The following ESRRG variants were observed in gnomAD, a reference collection of about 807,000 sequenced individuals.
ESRRG encodes estrogen related receptor gamma.
In ESRRG, 13 loss-of-function variants were observed where a neutral mutation model predicts 44.0. The ratio of observed to expected loss-of-function variants is 0.30; its 90% CI spans 0.19 to 0.47. ESRRG has a LOEUF of 0.47. Ranked by LOEUF, ESRRG falls within the 20% of genes least tolerant of loss-of-function variation. The pLI, the probability that ESRRG is intolerant of heterozygous loss-of-function variation, is 1.00. For synonymous variants in ESRRG, 215 were observed against 214.6 expected (o/e 1.00, Z -0.02); for missense variants, 395 against 580.6 (o/e 0.68, Z 3.29).
intron 2 of ESRRG, among the ~76,000 whole-genome samples, chr1:216,927,115 G>A (rs1370156513): frequency 6.6e-6 from 1 of 152,120 alleles, no homozygotes; most frequent in East Asian, 1.9e-4. Flanking sequence ...CAAGAGTTCT[G>A]CCGTCTGATA....
intron 2 of ESRRG, among the ~76,000 whole-genome samples, chr1:216,777,197 G>A (rs566109623): frequency 1.3e-5 from 2 of 152,184 alleles, no homozygotes; most frequent in South Asian, 2.1e-4. Context: ...AAAATGCACT[G>A]TATATTATGG....
chr1:216,818,518 G>T lies in ESRRG; in HGVS notation c.-14+121064C>A, dbSNP rs546464075. On this transcript the variant is annotated intron_variant, in intron 2 of 7. Transcript: ENST00000359162. The stretch of plus-strand genomic sequence containing the variant: ...GATGCCCTGTTCAACAAGATGCCTG[G>T]CATGGTCCTCATCCTCTTAGCTCAT... Among the ~76,000 whole-genome samples the T allele has an allele frequency of 5.9e-5, 9 of 152,228 alleles. No individual in the cohort carries two copies. In the South Asian group the frequency reaches 1.9e-3, roughly 32 times the overall value.
chr1:217,061,688 G>C (rs1264803744), intron 1 of ESRRG, among the ~76,000 whole-genome samples: 1 of 152,146 alleles, frequency 6.6e-6, no homozygotes. Context: ...GGGAGAACTA[G>C]AAAGACACAG....
chr1:216,872,200 A>G (rs1236617449), intron 2 of ESRRG, among the ~76,000 whole-genome samples: 1 of 151,920 alleles, frequency 6.6e-6, no homozygotes, highest in Non-Finnish European at 1.5e-5. Context: ...GAAATGCATA[A>G]TTTATCTCTG....
rs769292214 is a variant in ESRRG at position 216,507,122 on chromosome 1, C to T, written c.1194G>A (p.Ala398=). 147 of 1,613,594 alleles carry T rather than the reference C, an allele frequency of 9.1e-5. No homozygotes were observed. In the Middle Eastern group the frequency reaches 1.0e-3, roughly 11 times the overall value. Residue 398 remains alanine, a synonymous_variant, in exon 7 of 7, where the codon GCG becomes GCA. Coordinates refer to ENST00000408911, the MANE Select transcript of ESRRG (RefSeq NM_001438.4). ...GCTGGCCAGCTTCATAATCCTGCAG[C>T]GCTTCATGTAAGACATCCTGAAGCT... The part of the protein sequence containing the change: ...VQKLQDVLHE[A]LQDYEAGQHM...
Position 216,723,262 on chromosome 1 carries a change from G to GA in ESRRG, c.37dup (p.Ser13PhefsTer20), listed in dbSNP as rs1399503955. ...TACCTACTCTTCCTCGTAGTGCAGG[G>GA]AAAAAGATTCAGGAAGGCAAAGTTC... is the stretch of plus-strand genomic sequence containing the variant. On this transcript the variant is annotated frameshift_variant, in exon 1 of 7. Transcript: ENST00000408911. LOFTEE classifies it high-confidence loss of function. 6.2e-7 allele frequency: 1 copy of GA among 1,613,878 alleles called. No individual in the cohort carries two copies. The highest frequency in any genetic ancestry group is 1.3e-5 in the African/African-American group (1 of 74,860).
rs868454833 is a variant in ESRRG at position 216,980,995 on chromosome 1, T to G, written c.-105-41322A>C. Reference sequence around the variant, plus strand: ...ATAAAGTCTCAGCTCAAATGTTACCTATTTGCATCCTTTTCTGACTGCACT... The same window carrying G: ...ATAAAGTCTCAGCTCAAATGTTACCGATTTGCATCCTTTTCTGACTGCACT... On this transcript the variant is annotated intron_variant, in intron 1 of 7. Coordinates refer to the ESRRG transcript ENST00000359162. 7.2e-5 allele frequency among the ~76,000 whole-genome samples: 11 copies of G among 152,284 alleles called. 2 individuals are homozygous for G. The South Asian group carries it at 2.3e-3, about 32-fold the overall frequency.
intron 3 of ESRRG, among the ~76,000 whole-genome samples, chr1:216,615,585 T>C (rs1498276): frequency 0.43 from 65,873 of 151,942 alleles, 15,632 homozygotes; most frequent in African/African-American, 0.64. Context: ...GTGTTTGGTA[T>C]ATGGCATTGT....
At chr1:216,707,351 G>A (rs113652526) in intron 1 of ESRRG, 39 of 1,534,842 alleles carry the variant, frequency 2.5e-5, no homozygotes, top group Admixed American at 9.8e-5. Flanking sequence ...AAAAATAATC[G>A]GGCCCACCTT....
chr1:216,850,673 TAATATGAA>T (rs1458821258), intron 2 of ESRRG, among the ~76,000 whole-genome samples: 3 of 152,106 alleles, frequency 2.0e-5, no homozygotes, highest in Non-Finnish European at 4.4e-5. Flanking sequence ...TAGCAGAGTT[TAATATGAA>T]AAGATATATA....
chr1:216,840,779 G>A (rs1179537853), intron 2 of ESRRG, among the ~76,000 whole-genome samples: 1 of 152,128 alleles, frequency 6.6e-6, no homozygotes, highest in Non-Finnish European at 1.5e-5. Context: ...CAGTGCATTG[G>A]TGGAGCACTC....
At chr1:216,514,852 T>G (rs956046901) in intron 6 of ESRRG, among the ~76,000 whole-genome samples, 4 of 152,086 alleles carry the variant, frequency 2.6e-5, no homozygotes, top group African/African-American at 9.7e-5. Flanking sequence ...AGAAAGATTC[T>G]GAAAAAGGAT....
intron 2 of ESRRG, among the ~76,000 whole-genome samples, chr1:216,924,804 C>T (rs553113578): frequency 5.8e-4 from 88 of 152,186 alleles, no homozygotes; most frequent in Admixed American, 3.3e-3. Context: ...GAAGCCGTAG[C>T]GGGTGAGGTG....
intron 2 of ESRRG, among the ~76,000 whole-genome samples, chr1:216,785,284 T>C (rs1236548496): frequency 2.0e-5 from 3 of 152,030 alleles, no homozygotes; most frequent in Non-Finnish European, 4.4e-5. Context: ...CTTAATGTGG[T>C]TTTGGCATTA....
At chr1:216,887,656 G>C (rs149656840) in intron 2 of ESRRG, among the ~76,000 whole-genome samples, 1 of 151,992 alleles carries the variant, frequency 6.6e-6, no homozygotes, top group Non-Finnish European at 1.5e-5. Context: ...ATTCATAAAT[G>C]CTTTAGAATT....
Position 216,816,862 on chromosome 1 carries a change from C to G in ESRRG, c.-14+122720G>C, listed in dbSNP as rs189143436. On this transcript the variant is annotated intron_variant, in intron 2 of 7. Transcript: ENST00000359162. ...AAAATATCTTCCCAAATAAGTGATT[C>G]AAACAATGTGGGGCATCTATCACGG... Among the ~76,000 whole-genome samples the G allele has an allele frequency of 2.0e-5, 3 of 152,208 alleles. No homozygotes were observed. The East Asian group carries it at 5.8e-4, about 29-fold the overall frequency.
chr1:216,698,342 C>A (rs901664459), intron 1 of ESRRG, among the ~76,000 whole-genome samples: 3 of 151,730 alleles, frequency 2.0e-5, no homozygotes, highest in African/African-American at 7.3e-5. Context: ...ATGGTGAAAC[C>A]CTGTCTGTAC....
intron 2 of ESRRG, among the ~76,000 whole-genome samples, chr1:216,939,356 A>AAAAACAAAAAAAC (rs1560188614): frequency 1.4e-5 from 2 of 143,728 alleles, no homozygotes; most frequent in African/African-American, 5.2e-5. Flanking sequence ...AAAAAAAAAA[A>AAAAACAAAAAAAC]AAAAAAAAAA....
intron 2 of ESRRG, among the ~76,000 whole-genome samples, chr1:216,853,877 T>C (rs2095876918): frequency 6.6e-6 from 1 of 152,230 alleles, no homozygotes. Flanking sequence ...TCATTGGACA[T>C]ACACTTTTCA....
Sources: allele counts gnomAD v4.1 joint callset (sites outside exome capture counted in the v4.1 genomes callset), GRCh38; gene constraint gnomAD v4.1.1; transcripts MANE v1.5; gene names NCBI Gene and HGNC (gene_info 2026-07-23, HGNC 2026-07-21).